The following NR3C2 variants were observed in gnomAD, a reference collection of about 807,000 sequenced individuals.
NR3C2 encodes the protein nuclear receptor subfamily 3 group C member 2, also known as mineralocorticoid receptor.
In NR3C2, 15 loss-of-function variants were observed where a neutral mutation model predicts 86.4. The observed-to-expected ratio is 0.17, with a 90% CI of 0.12 to 0.27. The LOEUF (loss-of-function observed/expected upper bound fraction) is 0.27. Ranked by LOEUF, NR3C2 falls within the 10% of genes least tolerant of loss-of-function variation. The probability of loss-of-function intolerance (pLI) is 1.00; values close to 1 mark genes in which losing one functional copy is unlikely to be tolerated. For synonymous variants in NR3C2, 458 were observed against 450.5 expected (o/e 1.02, Z -0.21); for missense variants, 960 against 1,195.6 (o/e 0.80, Z 2.91).
intron 2 of NR3C2, among the ~76,000 whole-genome samples, chr4:148,340,463 T>C (rs1161449706): frequency 1.3e-5 from 2 of 152,152 alleles, no homozygotes; most frequent in African/African-American, 2.4e-5. Context: ...CCCTGTCTCT[T>C]ACCATATGCA....
intron 2 of NR3C2, among the ~76,000 whole-genome samples, chr4:148,426,492 T>G (rs1379973720): frequency 6.6e-6 from 1 of 152,238 alleles, no homozygotes; most frequent in Non-Finnish European, 1.5e-5. Context: ...ATGCCCATAG[T>G]GGGTCAGATT....
intron 2 of NR3C2, among the ~76,000 whole-genome samples, chr4:148,267,003 C>T (rs1740429873): frequency 6.6e-6 from 1 of 152,106 alleles, no homozygotes; most frequent in South Asian, 2.1e-4. Flanking sequence ...AGTTGCAGAA[C>T]AGTATATAGA....
intron 3 of NR3C2, among the ~76,000 whole-genome samples, chr4:148,243,486 C>T (rs1020124258): frequency 6.6e-6 from 1 of 152,140 alleles, no homozygotes; most frequent in African/African-American, 2.4e-5. Flanking sequence ...TTCCAATATC[C>T]ACCTAATATG....
At chr4:148,278,522 A>T in intron 2 of NR3C2, among the ~76,000 whole-genome samples, 1 of 152,184 alleles carries the variant, frequency 6.6e-6, no homozygotes, top group East Asian at 1.9e-4. Flanking sequence ...TAACTCAAGA[A>T]GACTAAATAG....
intron 2 of NR3C2, among the ~76,000 whole-genome samples, chr4:148,328,127 A>G (rs1279525450): frequency 1.3e-5 from 2 of 152,126 alleles, no homozygotes; most frequent in Non-Finnish European, 2.9e-5. Context: ...TGCTAAACCA[A>G]TGACTGCAGT....
chr4:148,236,533 T>G (rs1738758655), intron 3 of NR3C2, among the ~76,000 whole-genome samples: 1 of 152,012 alleles, frequency 6.6e-6, no homozygotes, highest in South Asian at 2.1e-4. Flanking sequence ...ACTCTTACAC[T>G]TAAAAAAAGG....
At chr4:148,236,319 T>A (rs1231998362) in intron 3 of NR3C2, among the ~76,000 whole-genome samples, 1 of 152,224 alleles carries the variant, frequency 6.6e-6, no homozygotes, top group Non-Finnish European at 1.5e-5. Context: ...TTTACTTCAG[T>A]GTCAGCTCTA....
intron 2 of NR3C2, among the ~76,000 whole-genome samples, chr4:148,395,932 C>T (rs1470500080): frequency 6.6e-6 from 1 of 152,174 alleles, no homozygotes; most frequent in Non-Finnish European, 1.5e-5. Context: ...CCTCAGTATA[C>T]TTACAGGCAG....
At chr4:148,354,101 G>A (rs1273874266) in intron 2 of NR3C2, among the ~76,000 whole-genome samples, 1 of 151,986 alleles carries the variant, frequency 6.6e-6, no homozygotes, top group Non-Finnish European at 1.5e-5. Context: ...ATTCACCTCT[G>A]CCACCCCTGA....
chr4:148,213,556 C>T (rs528628437), intron 3 of NR3C2, among the ~76,000 whole-genome samples: 9 of 152,258 alleles, frequency 5.9e-5, no homozygotes, highest in East Asian at 1.9e-4. Context: ...TATTATTCTG[C>T]GGCTGTTCCA....
intron 2 of NR3C2, among the ~76,000 whole-genome samples, chr4:148,355,192 C>T (rs1745491341): frequency 1.3e-5 from 2 of 152,260 alleles, no homozygotes; most frequent in African/African-American, 2.4e-5. Flanking sequence ...TCTACTTATA[C>T]ATCAGGCTTC....
intron 2 of NR3C2, among the ~76,000 whole-genome samples, chr4:148,282,211 G>C (rs1451193413): frequency 6.6e-6 from 1 of 152,058 alleles, no homozygotes; most frequent in Non-Finnish European, 1.5e-5. Context: ...TGTATTTTTA[G>C]TACAGACAGG....
At chr4:148,371,110 G>T (rs1250107874) in intron 2 of NR3C2, among the ~76,000 whole-genome samples, 1 of 152,166 alleles carries the variant, frequency 6.6e-6, no homozygotes, top group African/African-American at 2.4e-5. Context: ...CTTTGATAGA[G>T]GCATGCAGTG....
chr4:148,357,541 A>ACC (rs1175315186), intron 2 of NR3C2, among the ~76,000 whole-genome samples: 1 of 152,140 alleles, frequency 6.6e-6, no homozygotes, highest in Admixed American at 6.5e-5. Flanking sequence ...ATGCAAATAT[A>ACC]ATGCTACACA....
chr4:148,284,143 C>T (rs987148058), intron 2 of NR3C2, among the ~76,000 whole-genome samples: 2 of 152,098 alleles, frequency 1.3e-5, no homozygotes, highest in Non-Finnish European at 2.9e-5. Flanking sequence ...ACATGTATTC[C>T]TCTGGGTTAT....
chr4:148,306,364 T>A (rs1742625103), intron 2 of NR3C2, among the ~76,000 whole-genome samples: 1 of 152,228 alleles, frequency 6.6e-6, no homozygotes, highest in Admixed American at 6.5e-5. Flanking sequence ...CTACCCCTCT[T>A]TCACCTTCTC....
At chr4:148,100,523 A>G (rs1333527420) in intron 8 of NR3C2, among the ~76,000 whole-genome samples, 2 of 152,248 alleles carry the variant, frequency 1.3e-5, no homozygotes, top group Non-Finnish European at 2.9e-5. Flanking sequence ...ATGAGTTACC[A>G]CTTCACAAGC....
chr4:148,127,025 T>C (rs1405020657), intron 6 of NR3C2, among the ~76,000 whole-genome samples: 1 of 152,234 alleles, frequency 6.6e-6, no homozygotes, highest in Non-Finnish European at 1.5e-5. Flanking sequence ...AGTGTTTTGT[T>C]ATTACAGTCA....
At chr4:148,223,786 A>G (rs1031493590) in intron 3 of NR3C2, among the ~76,000 whole-genome samples, 1 of 152,220 alleles carries the variant, frequency 6.6e-6, no homozygotes, top group Non-Finnish European at 1.5e-5. Context: ...TTAAGGTTAT[A>G]AATGTTAGTG....
Sources: allele counts gnomAD v4.1 joint callset (sites outside exome capture counted in the v4.1 genomes callset), GRCh38; gene constraint gnomAD v4.1.1; transcripts MANE v1.5; gene names NCBI Gene and HGNC (gene_info 2026-07-23, HGNC 2026-07-21).